SEL1L3: variants seen among roughly 807,000 people sequenced by gnomAD.
SEL1L3 encodes the protein SEL1L family member 3.
In SEL1L3, 76 loss-of-function variants were observed where a neutral mutation model predicts 142.8. That is an observed-to-expected ratio of 0.53 (90% CI 0.44 to 0.64). The LOEUF (loss-of-function observed/expected upper bound fraction) is 0.64, where lower values mean the gene tolerates loss of function less well. SEL1L3 is among the 30% of genes least tolerant of loss of function. The pLI, the probability that SEL1L3 is intolerant of heterozygous loss-of-function variation, is 0.00. For synonymous variants in SEL1L3, 504 were observed against 519.6 expected (o/e 0.97, Z 0.41); for missense variants, 1,262 against 1,381.7 (o/e 0.91, Z 1.37).
the SEL1L3 span, among the ~76,000 whole-genome samples, chr4:25,726,980 G>A: frequency 1.4e-5 from 1 of 73,738 alleles, no homozygotes; most frequent in South Asian, 4.0e-4. Context: ...CTTTCTCTCT[G>A]TGTTCTCATG....
chr4:25,853,913 C>G (rs1039882911), intron 1 of SEL1L3, among the ~76,000 whole-genome samples: 17 of 152,106 alleles, frequency 1.1e-4, no homozygotes, highest in African/African-American at 4.1e-4. Flanking sequence ...CTCAGGTGAT[C>G]CACCTGCCTC....
intron 2 of SEL1L3, 46 bp downstream of exon 2, chr4:25,847,248 A>G (rs1371666769): frequency 6.8e-7 from 1 of 1,481,050 alleles, no homozygotes; most frequent in East Asian, 2.3e-5. Context: ...GATACAGGCT[A>G]TCTGAAAAAA....
chr4:25,726,645 C>G, the SEL1L3 span, among the ~76,000 whole-genome samples: 1 of 152,094 alleles, frequency 6.6e-6, no homozygotes, highest in Non-Finnish European at 1.5e-5. Context: ...TACACGATGC[C>G]GGGAACGGGC....
chr4:25,853,835 C>A (rs1046954427), intron 1 of SEL1L3, among the ~76,000 whole-genome samples: 2 of 151,968 alleles, frequency 1.3e-5, no homozygotes, highest in African/African-American at 4.8e-5. Flanking sequence ...ACATGCCCAG[C>A]TAATTTTTGT....
At chr4:25,795,154 A>C (rs142642932) in intron 11 of SEL1L3, among the ~76,000 whole-genome samples, 2,127 of 152,242 alleles carry the variant, frequency 0.014, 47 homozygotes, top group African/African-American at 0.049. Flanking sequence ...ACCATGGCAC[A>C]CGTTTACCTA....
intron 20 of SEL1L3, among the ~76,000 whole-genome samples, chr4:25,763,400 T>C (rs1718511023): frequency 6.6e-6 from 1 of 152,162 alleles, no homozygotes; most frequent in East Asian, 1.9e-4. Flanking sequence ...ATGCTCTTAT[T>C]ACCCCCATTT....
the SEL1L3 span, among the ~76,000 whole-genome samples, chr4:25,722,524 A>G: frequency 6.6e-6 from 1 of 152,100 alleles, no homozygotes; most frequent in Non-Finnish European, 1.5e-5. Flanking sequence ...AGTCAGACAT[A>G]ACCAGGTCCA....
rs114268521 is a variant in SEL1L3, at chr4:25,748,378, C to T, written c.*47G>A. On this transcript the variant is annotated 3_prime_UTR_variant, in exon 24 of 24. Transcript: ENST00000399878. ...CCTGGCCCCAGCTTCCCAATACCAG[C>T]TGTTGAAAAGATTCTCTCTCATCTG... 796 of 1,553,152 alleles carry T rather than the reference C, an allele frequency of 5.1e-4. 6 individuals are homozygous for T. In the African/African-American group the frequency reaches 8.8e-3, roughly 17 times the overall value.
intron 20 of SEL1L3, among the ~76,000 whole-genome samples, chr4:25,760,256 CT>C (rs2109125826): frequency 6.6e-6 from 1 of 152,274 alleles, no homozygotes; most frequent in East Asian, 1.9e-4. Flanking sequence ...TGATGTCATT[CT>C]TTTTTATGGC....
chr4:25,743,559 A>G (rs1245393782), downstream of SEL1L3, among the ~76,000 whole-genome samples: 1 of 152,220 alleles, frequency 6.6e-6, no homozygotes, highest in African/African-American at 2.4e-5. Flanking sequence ...CAATATATGT[A>G]AGACGAACAC....
intron 1 of SEL1L3, among the ~76,000 whole-genome samples, chr4:25,849,445 A>G (rs77211488): frequency 1.0e-3 from 153 of 152,352 alleles, no homozygotes; most frequent in African/African-American, 3.4e-3. Context: ...AACAGACATT[A>G]TATCATCCGC....
chr4:25,748,130 A>C lies in SEL1L3; in HGVS notation c.*295T>G, dbSNP rs1379600329. 4 of 349,924 alleles carry C rather than the reference A, an allele frequency of 1.1e-5. No individual in the cohort carries two copies. Among genetic ancestry groups the C allele is most frequent in the African/African-American group, 4.2e-5 (2 of 47,988 alleles). The allele number at this position is 349,924 out of a possible 1,614,324, so 21.7% of individuals were successfully genotyped here. On this transcript the variant is annotated 3_prime_UTR_variant, in exon 24 of 24. Coordinates refer to ENST00000399878, the MANE Select transcript of SEL1L3 (RefSeq NM_015187.5). ...CAGATCTGCCGTAGGGCATGCTATG[A>C]CTCCTAATACATACAATCACTAGAA...
At chr4:25,810,622 A>G (rs372145443) in intron 9 of SEL1L3, among the ~76,000 whole-genome samples, 2 of 152,244 alleles carry the variant, frequency 1.3e-5, no homozygotes, top group South Asian at 4.1e-4. Context: ...CCATTTTCCT[A>G]GAGAATTGGA....
chr4:25,800,124 C>T (rs1713075999), intron 11 of SEL1L3, among the ~76,000 whole-genome samples: 1 of 152,158 alleles, frequency 6.6e-6, no homozygotes, highest in South Asian at 2.1e-4. Flanking sequence ...CCACGAGTTA[C>T]GCAAAAGAGA....
In SEL1L3 at chr4:25,759,008, C is replaced by T. The variant is rs942290602; in HGVS notation, c.3016G>A (p.Asp1006Asn). The T allele has an allele frequency of 3.0e-5, 48 of 1,613,630 alleles. No homozygotes were observed. Among genetic ancestry groups the T allele is most frequent in the Non-Finnish European group, 4.0e-5 (47 of 1,179,774 alleles). ...EGTIIPHHILDFLEIDSTLHS... is the reference protein window; with the variant it reads ...EGTIIPHHILNFLEIDSTLHS... Reference sequence around the variant, plus strand: ...AGAGTTGAGTCAATTTCCAAGAAATCCAAGATATGGTGTGGGATTATCGTA... The same window carrying T: ...AGAGTTGAGTCAATTTCCAAGAAATTCAAGATATGGTGTGGGATTATCGTA... Residue 1006 changes from aspartate to asparagine, a missense_variant, in exon 21 of 24, where the codon GAT becomes AAT. Around this residue, in one of 3 missense-constraint regions of SEL1L3, gnomAD observed 435 missense variants for 559.2 expected, o/e 0.78. Coordinates refer to ENST00000399878, the MANE Select transcript of SEL1L3 (RefSeq NM_015187.5).
chr4:25,731,155 A>G, the SEL1L3 span, among the ~76,000 whole-genome samples: 1 of 152,206 alleles, frequency 6.6e-6, no homozygotes, highest in Non-Finnish European at 1.5e-5. Context: ...TTGCTTTAAT[A>G]TTTACAAATA....
the SEL1L3 span, among the ~76,000 whole-genome samples, chr4:25,721,468 A>G: frequency 6.6e-6 from 1 of 151,964 alleles, no homozygotes; most frequent in Non-Finnish European, 1.5e-5. Flanking sequence ...AGAAAGATAG[A>G]AAAAAAATAC....
At position 25,802,477 on chromosome 4, in the gene SEL1L3, T is replaced by C. The variant is rs1437668603; in HGVS notation, c.1777-15A>G. On this transcript the variant is annotated splice_polypyrimidine_tract_variant and intron_variant, in intron 10 of 23. Transcript: ENST00000399878. ...TACAACATGCCCTGTTAGGAAGAAA[T>C]TGACAAAGCGTTCATGAGATTGTAG... The C allele has an allele frequency of 1.2e-6, 2 of 1,604,350 alleles. No homozygotes were observed. Among genetic ancestry groups the C allele is most frequent in the African/African-American group, 2.7e-5 (2 of 74,536 alleles).
chr4:25,795,620 T>C lies in SEL1L3; in HGVS notation c.1957-5046A>G, dbSNP rs1461968103. Among the ~76,000 whole-genome samples the C allele has an allele frequency of 7.2e-5, 11 of 152,154 alleles. No individual in the cohort carries two copies. The East Asian group carries it at 2.1e-3, about 29-fold the overall frequency. ...CACACAGAGGTAAGCAGAATGATCC[T>C]AGAGTCCACAGCCAGTGAGTAGCAG... On this transcript the variant is annotated intron_variant, in intron 11 of 23. Transcript: ENST00000399878.
Sources: gnomAD v4.1 joint callset for allele counts (sites outside exome capture counted in the v4.1 genomes callset) on GRCh38, gnomAD v4.1.1 for gene constraint, gnomAD v4.1.1 regional missense constraint, MANE v1.5 for transcripts, NCBI Gene and HGNC (gene_info 2026-07-23, HGNC 2026-07-21) for gene names.